SYNE1: variants seen among roughly 807,000 people sequenced by gnomAD.
SYNE1 encodes nesprin-1.
In SYNE1, 616 loss-of-function variants were observed where a neutral mutation model predicts 1,111.0. The ratio of observed to expected loss-of-function variants is 0.55; its 90% CI spans 0.52 to 0.59. SYNE1 has a LOEUF of 0.59. Among genes scored for constraint, SYNE1 ranks in the 20% least tolerant of loss-of-function variants. The pLI is 0.00. For synonymous variants in SYNE1, 3,855 were observed against 3,825.8 expected, an observed-to-expected ratio of 1.01 and a Z score of -0.28; for missense variants, 10,006 against 10,417.0, an observed-to-expected ratio of 0.96 and a Z score of 1.72.
chr6:152,368,153 C>A (rs1269087479), intron 61 of SYNE1: 1 of 152,604 alleles, frequency 6.6e-6, no homozygotes, highest in East Asian at 1.9e-4. Flanking sequence ...TCTGTAAATG[C>A]ACACTTACAG....
intron 94 of SYNE1, 56 bp downstream of exon 94, chr6:152,293,904 A>G (rs985655050): frequency 8.1e-6 from 13 of 1,612,572 alleles, no homozygotes; most frequent in African/African-American, 5.3e-5. Context: ...TCATAAGACA[A>G]TCGCTAAGGT....
intron 130 of SYNE1, among the ~76,000 whole-genome samples, chr6:152,171,260 C>A (rs1393655874): frequency 6.6e-6 from 1 of 152,208 alleles, no homozygotes; most frequent in Non-Finnish European, 1.5e-5. Context: ...GTTGGTGAAG[C>A]AGAATCACGC....
intron 75 of SYNE1, among the ~76,000 whole-genome samples, chr6:152,337,929 C>T (rs186172730): frequency 6.6e-6 from 1 of 152,034 alleles, no homozygotes; most frequent in Admixed American, 6.6e-5. Context: ...AGGTGGATTG[C>T]CTGAGCTCAG....
chr6:152,160,701 G>T (rs1358144140), intron 131 of SYNE1, among the ~76,000 whole-genome samples: 1 of 152,220 alleles, frequency 6.6e-6, no homozygotes, highest in Admixed American at 6.5e-5. Flanking sequence ...AAGTGGCAGG[G>T]TATAAAATTC....
chr6:152,151,835 C>G, intron 134 of SYNE1, 124 bp downstream of exon 134: 1 of 1,482,672 alleles, frequency 6.7e-7, no homozygotes, highest in Non-Finnish European at 9.2e-7. Context: ...CTATATCACT[C>G]CCCGGTTTAC....
chr6:152,214,834 A>G (rs777824688), intron 122 of SYNE1, 72 bp downstream of exon 122: 119 of 1,560,546 alleles, frequency 7.6e-5, no homozygotes, highest in Non-Finnish European at 1.0e-4. Context: ...TGCATTCTGT[A>G]GTATTTTGAC....
intron 145 of SYNE1, among the ~76,000 whole-genome samples, chr6:152,129,886 T>C (rs1475838638): frequency 6.6e-6 from 1 of 152,132 alleles, no homozygotes; most frequent in Non-Finnish European, 1.5e-5. Flanking sequence ...GAAAACAGGC[T>C]CCGAGGACAG....
At position 152,428,365 on chromosome 6, in the gene SYNE1, T is replaced by C; in HGVS notation, c.4816A>G (p.Ser1606Gly). 6.2e-7 allele frequency: 1 copy of C among 1,613,906 alleles called. No individual in the cohort carries two copies. The highest frequency in any genetic ancestry group is 1.3e-5 in the African/African-American group (1 of 75,012). Residue 1606 changes from serine to glycine, a missense_variant, in exon 37 of 146, where the codon AGC becomes GGC. Coordinates refer to ENST00000367255, the MANE Select transcript of SYNE1 (RefSeq NM_182961.4). Reference sequence around the variant, plus strand: ...GCTGAGAAGGCAGTGATCGCGCTGCTCAGTGACTCCAGGGCCTGGCAGAGA... The same window carrying C: ...GCTGAGAAGGCAGTGATCGCGCTGCCCAGTGACTCCAGGGCCTGGCAGAGA... The part of the protein sequence containing the change: ...MDLCQALESL[S>G]SAITAFSASA...
chr6:152,572,090 T>C (rs1385603833), intron 3 of SYNE1, among the ~76,000 whole-genome samples: 1 of 152,192 alleles, frequency 6.6e-6, no homozygotes, highest in Non-Finnish European at 1.5e-5. Flanking sequence ...AAAAGGCAAG[T>C]AGAAATCAAA....
At position 152,166,391 on chromosome 6, in the gene SYNE1, TTAAG is replaced by T. The variant is rs1478851534; in HGVS notation, c.23628-2070_23628-2067del. Among the ~76,000 whole-genome samples, 3 of 152,350 alleles carry T rather than the reference TTAAG, an allele frequency of 2.0e-5. No individual in the cohort carries two copies. The East Asian group carries it at 5.8e-4, about 29-fold the overall frequency. The stretch of plus-strand genomic sequence containing the variant: ...TTCATTTTAAAATTTTTATTTGATA[TTAAG>T]TGTGTATTAAGTTTTACTTCTAGAT... On this transcript the variant is annotated intron_variant, in intron 130 of 145. Coordinates refer to ENST00000367255, the MANE Select transcript of SYNE1 (RefSeq NM_182961.4).
At position 152,517,853 on chromosome 6, in the gene SYNE1, T is replaced by G. The variant is rs1159311015; in HGVS notation, c.309+2606A>C. On this transcript the variant is annotated intron_variant, in intron 6 of 145. Coordinates refer to ENST00000367255, the MANE Select transcript of SYNE1 (RefSeq NM_182961.4). ...AGACTGGTTATCTAAAGGTAGGAAA[T>G]GCAGTTAGAGGCAGGGAATGAGAAT... Among the ~76,000 whole-genome samples, 3 of 152,116 alleles carry G rather than the reference T, an allele frequency of 2.0e-5. No individual in the cohort carries two copies. In the East Asian group the frequency reaches 5.8e-4, roughly 29 times the overall value.
Position 152,321,816 on chromosome 6 carries a change from T to C in SYNE1, c.15988A>G (p.Thr5330Ala). ...QELKDREMVE[T>A]QINSVKCWVQ... ...CAACATTTCACAGAATTGATCTGAGTCTCCACCATTTCTCGGTCCTTCAGC... is the reference window on the plus strand; with the variant it reads ...CAACATTTCACAGAATTGATCTGAGCCTCCACCATTTCTCGGTCCTTCAGC... Residue 5330 changes from threonine to alanine, a missense_variant, in exon 83 of 146, where the codon ACT (threonine) becomes GCT (alanine). This residue lies in a region of SYNE1 where 4,955 missense variants were observed against 5,017.2 expected (regional missense o/e 0.99). Coordinates refer to ENST00000367255, the MANE Select transcript of SYNE1 (RefSeq NM_182961.4). 6.2e-7 allele frequency: 1 copy of C among 1,614,052 alleles called. No individual in the cohort carries two copies. Among genetic ancestry groups the C allele is most frequent in the South Asian group, 1.1e-5 (1 of 91,080 alleles).
intron 135 of SYNE1, among the ~76,000 whole-genome samples, chr6:152,151,227 A>T (rs2060355705): frequency 6.6e-6 from 1 of 151,792 alleles, no homozygotes; most frequent in African/African-American, 2.4e-5. Flanking sequence ...CTCTAAAAAA[A>T]AAAAAAACAA....
intron 59 of SYNE1, among the ~76,000 whole-genome samples, 197 bp from the exon 60 acceptor site, chr6:152,369,811 C>T (rs1188976773): frequency 1.3e-5 from 2 of 151,580 alleles, no homozygotes; most frequent in Non-Finnish European, 2.9e-5. Flanking sequence ...GATGAGACCC[C>T]GTCTCTACTA....
chr6:152,601,628 A>C (rs1185607668), intron 3 of SYNE1, among the ~76,000 whole-genome samples: 1 of 152,214 alleles, frequency 6.6e-6, no homozygotes, highest in Non-Finnish European at 1.5e-5. Context: ...CATAGGCAGG[A>C]GGAGCCCTTA....
chr6:152,152,251 C>G (rs2060561466), intron 133 of SYNE1, 110 bp from the exon 134 acceptor site: 1 of 959,792 alleles, frequency 1.0e-6, no homozygotes, highest in African/African-American at 1.6e-5. Flanking sequence ...TACACTATCA[C>G]AGAGGGAAAG....
chr6:152,629,385 T>C (rs1565297969), intron 2 of SYNE1, among the ~76,000 whole-genome samples: 1 of 151,644 alleles, frequency 6.6e-6, no homozygotes, highest in East Asian at 1.9e-4. Flanking sequence ...TTGTGTTTTT[T>C]AGTAGAGACG....
Position 152,254,931 on chromosome 6 carries a change from A to AT in SYNE1, c.19418dup (p.Asn6473LysfsTer20). On this transcript the variant is annotated frameshift_variant, in exon 104 of 146. Coordinates refer to ENST00000367255, the MANE Select transcript of SYNE1 (RefSeq NM_182961.4). LOFTEE classifies it high-confidence loss of function. Reference sequence around the variant, plus strand: ...TTTCTTTCATCTGATGACATCGTTGATTCACTACTGAGTCTAGCAAGGATA... The same window carrying AT: ...TTTCTTTCATCTGATGACATCGTTGATTTCACTACTGAGTCTAGCAAGGATA... The AT allele has an allele frequency of 6.2e-7, 1 of 1,613,998 alleles. No individual in the cohort carries two copies.
intron 41 of SYNE1, 99 bp from the exon 42 acceptor site, chr6:152,413,630 A>G (rs2098106431): frequency 8.4e-7 from 1 of 1,189,304 alleles, no homozygotes; most frequent in African/African-American, 1.5e-5. Context: ...GCACTCATTT[A>G]GACAGCTAGA....
Sources: allele counts gnomAD v4.1 joint callset (sites outside exome capture counted in the v4.1 genomes callset), GRCh38; gene constraint gnomAD v4.1.1; regional missense constraint gnomAD v4.1.1; transcripts MANE v1.5; gene names NCBI Gene and HGNC (gene_info 2026-07-23, HGNC 2026-07-21).